Variants in NIPBL observed in about 807,000 individuals in gnomAD.
NIPBL encodes nipped-B-like protein.
Under a neutral mutation model 321.8 loss-of-function variants are expected in NIPBL, and 19 were observed. That is an observed-to-expected ratio of 0.06 (90% CI 0.04 to 0.09). NIPBL has a LOEUF of 0.09. NIPBL is among the 10% of genes least tolerant of loss of function. NIPBL has a pLI of 1.00. For synonymous variants in NIPBL, 1,106 were observed against 1,114.1 expected (o/e 0.99, Z 0.14); for missense variants, 2,210 against 3,327.0 (o/e 0.66, Z 8.26).
intron 11 of NIPBL, 94 bp downstream of exon 11, chr5:36,995,898 C>A: frequency 9.2e-7 from 1 of 1,091,010 alleles, no homozygotes; most frequent in Non-Finnish European, 1.4e-6. Flanking sequence ...AGCAAAAGCA[C>A]AGTCACCTTA....
chr5:36,958,153 G>A lies in NIPBL; in HGVS notation c.280G>A (p.Val94Ile). ...TGATGACCCAGAAGGTGACATACCAGTCTTGTTGCAGGCCGTCCTGGCAAG... is the reference window on the plus strand; with the variant it reads ...TGATGACCCAGAAGGTGACATACCAATCTTGTTGCAGGCCGTCCTGGCAAG... ...GSDDPEGDIP[V>I]LLQAVLARSP... The change falls in exon 4 of 47, where the codon GTC (valine) becomes ATC (isoleucine). Residue 94 changes from valine to isoleucine, a missense_variant. Coordinates refer to ENST00000282516, the MANE Select transcript of NIPBL (RefSeq NM_133433.4). 1.9e-6 allele frequency: 3 copies of A among 1,614,034 alleles called. No homozygotes were observed. Among genetic ancestry groups the A allele is most frequent in the Non-Finnish European group, 2.5e-6 (3 of 1,179,940 alleles).
chr5:37,020,142 C>G (rs750876047), intron 25 of NIPBL, among the ~76,000 whole-genome samples: 14 of 152,178 alleles, frequency 9.2e-5, no homozygotes, highest in Admixed American at 2.6e-4. Flanking sequence ...GTTGACCCAT[C>G]ATCTGTTTAA....
chr5:37,022,224 T>G lies in NIPBL; in HGVS notation c.5428-20T>G, dbSNP rs774709184. 38 of 1,613,790 alleles carry G rather than the reference T, an allele frequency of 2.4e-5. No homozygotes were observed. The highest frequency in any genetic ancestry group is 3.2e-5 in the Non-Finnish European group (38 of 1,179,874). On this transcript the variant is annotated intron_variant, in intron 28 of 46. Transcript: ENST00000282516. The stretch of plus-strand genomic sequence containing the variant: ...CTCTATTTAGGTATAAATTGTTTTT[T>G]TCTCTTCATTTTTCTTTAGCTTGAT...
intron 1 of NIPBL, among the ~76,000 whole-genome samples, chr5:36,933,676 C>T (rs1749950509): frequency 6.6e-6 from 1 of 151,906 alleles, no homozygotes; most frequent in Non-Finnish European, 1.5e-5. Context: ...GTTTCAGACA[C>T]CAGTAGTGAA....
At chr5:36,975,157 A>C (rs1309928606) in intron 8 of NIPBL, among the ~76,000 whole-genome samples, 1 of 151,960 alleles carries the variant, frequency 6.6e-6, no homozygotes, top group Non-Finnish European at 1.5e-5. Flanking sequence ...AGCTGAAGAG[A>C]GTATGTGAAT....
In NIPBL at chr5:36,876,846, C is replaced by T. The variant is rs1745093096; in HGVS notation, c.-412C>T. On this transcript the variant is annotated 5_prime_UTR_variant, in exon 1 of 47. Coordinates refer to ENST00000282516, the MANE Select transcript of NIPBL (RefSeq NM_133433.4). ...CTTCCCCCCGCCCTCCCCCCCCTCC[C>T]TCCGTCGGTACCGACTCACCCGACA... 3 of 389,998 alleles carry T rather than the reference C, an allele frequency of 7.7e-6. No individual in the cohort carries two copies. The highest frequency in any genetic ancestry group is 3.6e-5 in the East Asian group (1 of 27,424). The allele number at this position is 389,998 out of a possible 1,614,324, so 24.2% of individuals were successfully genotyped here. A position where few individuals can be genotyped will look rare whatever the true frequency, so the allele number is the denominator to read the frequency against.
At chr5:36,946,136 T>C (rs535916120) in intron 1 of NIPBL, among the ~76,000 whole-genome samples, 23 of 152,200 alleles carry the variant, frequency 1.5e-4, no homozygotes, top group Admixed American at 1.3e-3. Flanking sequence ...AAGGAGAACC[T>C]TTTCATTCTC....
At position 36,984,996 on chromosome 5, in the gene NIPBL, C is replaced by G. The variant is rs147532293; in HGVS notation, c.1816C>G (p.Pro606Ala). 1 of 1,613,762 alleles carries G rather than the reference C, an allele frequency of 6.2e-7. No homozygotes were observed. Among genetic ancestry groups the G allele is most frequent in the African/African-American group, 1.3e-5 (1 of 74,986 alleles). Residue 606 changes from proline (P) to alanine (A), a missense_variant, in exon 10 of 47, where the codon CCT becomes GCT. Pro to Ala is a conservative substitution (Grantham distance 27). Coordinates refer to ENST00000282516, the MANE Select transcript of NIPBL (RefSeq NM_133433.4). Reference sequence around the variant, plus strand: ...TGAGACACCTAAAAAAAAGTCTGATCCTGAGCTTTCAAAGAGTGAAATGAA... The same window carrying G: ...TGAGACACCTAAAAAAAAGTCTGATGCTGAGCTTTCAAAGAGTGAAATGAA... ...HPETPKKKSD[P>A]ELSKSEMKQS...
At chr5:36,959,199 C>G (rs1166494752) in intron 4 of NIPBL, among the ~76,000 whole-genome samples, 1 of 152,084 alleles carries the variant, frequency 6.6e-6, no homozygotes, top group Non-Finnish European at 1.5e-5. Flanking sequence ...AGAGCGAGAC[C>G]CTGTCTCCAA....
chr5:37,002,368 G>A (rs1048674005), intron 14 of NIPBL, among the ~76,000 whole-genome samples: 4 of 152,224 alleles, frequency 2.6e-5, no homozygotes, highest in African/African-American at 7.2e-5. Flanking sequence ...GACTCTTGAT[G>A]TAGTCCATTC....
intron 32 of NIPBL, among the ~76,000 whole-genome samples, chr5:37,036,107 T>C (rs555559704): frequency 1.3e-4 from 20 of 152,050 alleles, no homozygotes; most frequent in Non-Finnish European, 2.6e-4. Context: ...TTACCTTAGG[T>C]CTTACACAGC....
At chr5:36,959,136 G>A (rs1220984496) in intron 4 of NIPBL, among the ~76,000 whole-genome samples, 2 of 152,184 alleles carry the variant, frequency 1.3e-5, no homozygotes, top group African/African-American at 2.4e-5. Flanking sequence ...GAGCTCAGGA[G>A]GTCAAGGCTG....
At chr5:37,041,650 C>T (rs756079109) in intron 34 of NIPBL, among the ~76,000 whole-genome samples, 29 of 151,792 alleles carry the variant, frequency 1.9e-4, no homozygotes, top group Non-Finnish European at 3.4e-4. Flanking sequence ...GCAACCTTCG[C>T]CTCCCAGGTT....
intron 1 of NIPBL, among the ~76,000 whole-genome samples, chr5:36,923,279 G>A (rs574309643): frequency 8.5e-5 from 13 of 152,102 alleles, no homozygotes; most frequent in South Asian, 8.3e-4. Context: ...GCACTCCAGC[G>A]TAGATGACAG....
intron 9 of NIPBL, among the ~76,000 whole-genome samples, chr5:36,983,713 G>A (rs1008025463): frequency 6.6e-6 from 1 of 151,954 alleles, no homozygotes; most frequent in African/African-American, 2.4e-5. Context: ...TATAGAAAAT[G>A]ACTAGCTCCC....
At chr5:36,911,104 C>G (rs1748015282) in intron 1 of NIPBL, among the ~76,000 whole-genome samples, 1 of 152,136 alleles carries the variant, frequency 6.6e-6, no homozygotes, top group Admixed American at 6.5e-5. Context: ...TAGAAACCCG[C>G]TAGAAATTGG....
At chr5:36,880,633 T>C (rs961104382) in intron 1 of NIPBL, among the ~76,000 whole-genome samples, 9 of 152,090 alleles carry the variant, frequency 5.9e-5, no homozygotes, top group Non-Finnish European at 1.3e-4. Flanking sequence ...AACATGCTTA[T>C]TTTAATATCC....
At chr5:36,963,262 C>T (rs1318814098) in intron 6 of NIPBL, among the ~76,000 whole-genome samples, 1 of 151,864 alleles carries the variant, frequency 6.6e-6, no homozygotes, top group Non-Finnish European at 1.5e-5. Flanking sequence ...TTATTTTTGT[C>T]CTCCTTAATT....
At chr5:36,885,518 C>A in intron 1 of NIPBL, 1 of 513,134 alleles carries the variant, frequency 1.9e-6, no homozygotes, top group South Asian at 1.5e-5. Flanking sequence ...GACCAAGAAC[C>A]AGAGACTGGA....
Sources: allele counts gnomAD v4.1 joint callset (sites outside exome capture counted in the v4.1 genomes callset), GRCh38; gene constraint gnomAD v4.1.1; transcripts MANE v1.5; gene names NCBI Gene and HGNC (gene_info 2026-07-23, HGNC 2026-07-21).